RAB44: variants seen among roughly 807,000 people sequenced by gnomAD.
RAB44 encodes ras-related protein Rab-44.
RAB44 carries 67 observed loss-of-function variants against 93.3 expected under a neutral mutation model. The ratio of observed to expected loss-of-function variants is 0.72; its 90% CI spans 0.59 to 0.88. The LOEUF (loss-of-function observed/expected upper bound fraction) is 0.88. RAB44 is among the 40% of genes least tolerant of loss of function. RAB44 has a pLI of 0.00. For missense variants in RAB44, 1,064 were observed against 1,261.7 expected, an observed-to-expected ratio of 0.84 and a Z score of 2.37; for synonymous variants, 427 against 520.3, an observed-to-expected ratio of 0.82 and a Z score of 2.44.
In RAB44 at chr6:36,732,374, A is replaced by C. The variant is rs1384040793; in HGVS notation, c.*281A>C. On this transcript the variant is annotated 3_prime_UTR_variant, in exon 14 of 14. Coordinates refer to ENST00000612677, the MANE Select transcript of RAB44 (RefSeq NM_001257357.2). ...AAAACGACTTAAGGAAAATACACCA[A>C]AATATTGGCCGCACATCTGTGGGTG... The C allele has an allele frequency of 4.6e-6, 1 of 219,102 alleles. No homozygotes were observed. Among genetic ancestry groups the C allele is most frequent in the African/African-American group, 2.3e-5 (1 of 42,734 alleles). 13.6% of individuals were successfully genotyped at this position (219,102 alleles called of 1,614,324 possible). A position where few individuals can be genotyped will look rare whatever the true frequency, so the allele number is the denominator to read the frequency against.
Position 36,720,994 on chromosome 6 carries a change from T to G in RAB44, c.1017-157T>G, listed in dbSNP as rs547155759. Among the ~76,000 whole-genome samples the G allele has an allele frequency of 3.3e-5, 5 of 152,180 alleles. No homozygotes were observed. In the South Asian group the frequency reaches 1.0e-3, roughly 32 times the overall value. ...GACAGGATTGGATGAGGAGGAGGAA[T>G]GGGGAGCACATACCAGGTGAGAAAG... On this transcript the variant is annotated intron_variant, in intron 8 of 13. Coordinates refer to ENST00000612677, the MANE Select transcript of RAB44 (RefSeq NM_001257357.2).
At position 36,717,960 on chromosome 6, in the gene RAB44, G is replaced by T; in HGVS notation, c.642-68G>T. 1 of 988,480 alleles carries T rather than the reference G, an allele frequency of 1.0e-6. No individual in the cohort carries two copies. Among genetic ancestry groups the T allele is most frequent in the Non-Finnish European group, 1.3e-6 (1 of 765,730 alleles). The allele number at this position is 988,480 out of a possible 1,614,324, so 61.2% of individuals were successfully genotyped here. ...TGGATTCCAAACCCAAGCCCAGACT[G>T]CCCCTGCCAGCAGCAGGCTCCCAGA... On this transcript the variant is annotated intron_variant, in intron 5 of 13. Transcript: ENST00000612677. This position sits in a 1 kb window ranked among gnomAD's most constrained non-coding sequence, Gnocchi z 4.1.
At position 36,732,404 on chromosome 6, in the gene RAB44, A is replaced by C; in HGVS notation, c.*311A>C. The C allele has an allele frequency of 6.7e-6, 1 of 149,374 alleles. No homozygotes were observed. The highest frequency in any genetic ancestry group is 1.4e-5 in the Non-Finnish European group (1 of 73,240). 9.3% of individuals were successfully genotyped at this position (149,374 alleles called of 1,614,324 possible). A position where few individuals can be genotyped will look rare whatever the true frequency, so the allele number is the denominator to read the frequency against. On this transcript the variant is annotated 3_prime_UTR_variant, in exon 14 of 14. Coordinates refer to ENST00000612677, the MANE Select transcript of RAB44 (RefSeq NM_001257357.2). ...TTGGCCGCACATCTGTGGGTGTAAA[A>C]TTTTAGGGAGAATGTGGGGGGGGGG...
chr6:36,702,020 G>A (rs1252717327), intron 1 of RAB44, among the ~76,000 whole-genome samples: 1 of 152,096 alleles, frequency 6.6e-6, no homozygotes, highest in Non-Finnish European at 1.5e-5. Context: ...TGTTGCTTAT[G>A]TGCATGATAG....
intron 12 of RAB44, among the ~76,000 whole-genome samples, chr6:36,729,897 A>G (rs1763322375): frequency 1.3e-5 from 2 of 152,248 alleles, no homozygotes; most frequent in Non-Finnish European, 2.9e-5. Flanking sequence ...ATGGATACCC[A>G]TGTATAACGT....
rs1226530974 is a variant in RAB44 at position 36,721,280 on chromosome 6, C to T, written c.1146C>T (p.His382=). ...TGAGCAACTTTGGCAGCCCTCCGCACGGAGCCCTGCAGCTCTGCTGGAGCC... is the reference window on the plus strand; with the variant it reads ...TGAGCAACTTTGGCAGCCCTCCGCATGGAGCCCTGCAGCTCTGCTGGAGCC... The part of the protein sequence containing the change: ...QLLSNFGSPP[H]GALQLCWSPP... The change falls in exon 9 of 14, where the codon CAC becomes CAT. Residue 382 remains histidine (H), a synonymous_variant. Transcript: ENST00000612677. 2.5e-5 allele frequency: 31 copies of T among 1,234,182 alleles called. No individual in the cohort carries two copies. The highest frequency in any genetic ancestry group is 1.7e-4 in the Admixed American group (4 of 23,700). The allele number at this position is 1,234,182 out of a possible 1,614,324, so 76.5% of individuals were successfully genotyped here.
intron 9 of RAB44, among the ~76,000 whole-genome samples, chr6:36,723,412 T>A (rs1384657247): frequency 3.9e-5 from 6 of 152,176 alleles, no homozygotes; most frequent in African/African-American, 1.4e-4. Flanking sequence ...ATGGTTGTTA[T>A]TATTATTATA....
rs752287472 is a variant in RAB44, at chr6:36,727,643, C to T, written c.2748C>T (p.Thr916=). The T allele has an allele frequency of 4.5e-6, 7 of 1,550,620 alleles. No homozygotes were observed. The South Asian group carries it at 7.1e-5, about 16-fold the overall frequency. The change falls in exon 11 of 14, where the codon ACC becomes ACT. Residue 916 remains threonine (T), a synonymous_variant. Transcript: ENST00000612677. ...GGGTGGTGCTCATGTACGACATCACCTCCCAGGAGAGCTTTGCCCACGTGC... is the reference window on the plus strand; with the variant it reads ...GGGTGGTGCTCATGTACGACATCACTTCCCAGGAGAGCTTTGCCCACGTGC... The part of the protein sequence containing the change: ...ADGVVLMYDI[T]SQESFAHVRY...
chr6:36,705,343 A>G (rs1426540263), intron 2 of RAB44, among the ~76,000 whole-genome samples: 1 of 151,512 alleles, frequency 6.6e-6, no homozygotes, highest in East Asian at 1.9e-4. Context: ...TTGTGCTAGC[A>G]TTCTTTTTGC....
chr6:36,717,517 G>T lies in RAB44; in HGVS notation c.641+98G>T. 1 of 1,200,374 alleles carries T rather than the reference G, an allele frequency of 8.3e-7. No individual in the cohort carries two copies. Among genetic ancestry groups the T allele is most frequent in the Non-Finnish European group, 1.0e-6 (1 of 960,184 alleles). 74.4% of individuals were successfully genotyped at this position (1,200,374 alleles called of 1,614,324 possible). A position where few individuals can be genotyped will look rare whatever the true frequency, so the allele number is the denominator to read the frequency against. On this transcript the variant is annotated intron_variant, in intron 5 of 13. Coordinates refer to ENST00000612677, the MANE Select transcript of RAB44 (RefSeq NM_001257357.2). This position sits in a 1 kb window ranked among gnomAD's most constrained non-coding sequence, Gnocchi z 4.1. ...TTTCCCCAGCTCCTCCTGCAGCTGG[G>T]CCTGTGAGCTGGATAGGGCAGAGCT...
At chr6:36,724,436 C>T (rs1461490263) in intron 9 of RAB44, among the ~76,000 whole-genome samples, 6 of 152,218 alleles carry the variant, frequency 3.9e-5, no homozygotes, top group South Asian at 2.1e-4. Flanking sequence ...GGATTACAGG[C>T]GTGAGCCACT....
chr6:36,698,969 T>C (rs563497400), intron 1 of RAB44, among the ~76,000 whole-genome samples: 2 of 152,196 alleles, frequency 1.3e-5, no homozygotes, highest in East Asian at 1.9e-4. Context: ...AGACTGTTTT[T>C]AGGTTGTGCT....
Position 36,721,804 on chromosome 6 carries a change from C to A in RAB44, c.1670C>A (p.Pro557His). The A allele has an allele frequency of 8.1e-7, 1 of 1,234,514 alleles. No homozygotes were observed. Among genetic ancestry groups the A allele is most frequent in the Non-Finnish European group, 1.0e-6 (1 of 988,364 alleles). 76.5% of individuals were successfully genotyped at this position (1,234,514 alleles called of 1,614,324 possible). A position where few individuals can be genotyped will look rare whatever the true frequency, so the allele number is the denominator to read the frequency against. The change falls in exon 9 of 14, where the codon CCC (proline) becomes CAC (histidine). Residue 557 changes from proline to histidine, a missense_variant. Physicochemically the swap from Pro to His is moderately conservative, Grantham distance 77. Transcript: ENST00000612677. ...CCCCAGGAACCCACACAAACCCCTC[C>A]CACCATGACTGAGCGGGAAACCCAG... ...AGPQEPTQTP[P>H]TMTERETQPG...
At position 36,721,350 on chromosome 6, in the gene RAB44, G is replaced by T; in HGVS notation, c.1216G>T (p.Val406Leu). The T allele has an allele frequency of 4.9e-6, 6 of 1,234,054 alleles. No homozygotes were observed. The highest frequency in any genetic ancestry group is 6.1e-6 in the Non-Finnish European group (6 of 988,116). 76.4% of individuals were successfully genotyped at this position (1,234,054 alleles called of 1,614,324 possible). ...RATSGPQTPR[V>L]VRQISISEPQ... ...CACCTCAGGCCCCCAGACACCCCGT[G>T]TGGTCAGGCAGATCTCCATCTCGGA... The change falls in exon 9 of 14, where the codon GTG (valine) becomes TTG (leucine). Residue 406 changes from valine to leucine, a missense_variant. Physicochemically the swap from Val to Leu is conservative, Grantham distance 32 (BLOSUM62 1). Transcript: ENST00000612677.
intron 2 of RAB44, among the ~76,000 whole-genome samples, chr6:36,704,962 A>C (rs574864853): frequency 1.3e-5 from 2 of 152,252 alleles, no homozygotes; most frequent in South Asian, 4.1e-4. Flanking sequence ...TCTACTAAAA[A>C]TACAAAAATT....
chr6:36,721,016 A>G, intron 8 of RAB44, 135 bp from the exon 9 acceptor site: 1 of 802,452 alleles, frequency 1.2e-6, no homozygotes, highest in Non-Finnish European at 1.7e-6. Context: ...ACCAGGTGAG[A>G]AAGATTGCCT....
At position 36,721,358 on chromosome 6, in the gene RAB44, G is replaced by C; in HGVS notation, c.1224G>C (p.Arg408Ser). ...GCCCCCAGACACCCCGTGTGGTCAG[G>C]CAGATCTCCATCTCGGAGCCACAGG... The part of the protein sequence containing the change: ...TSGPQTPRVV[R>S]QISISEPQAF... The change falls in exon 9 of 14, where the codon AGG (arginine) becomes AGC (serine). Residue 408 changes from arginine to serine, a missense_variant. By Grantham distance (110) the Arg-to-Ser change is moderately radical (BLOSUM62 -1). Transcript: ENST00000612677. 8.1e-7 allele frequency: 1 copy of C among 1,234,170 alleles called. No individual in the cohort carries two copies. Among genetic ancestry groups the C allele is most frequent in the Non-Finnish European group, 1.0e-6 (1 of 988,128 alleles). 76.5% of individuals were successfully genotyped at this position (1,234,170 alleles called of 1,614,324 possible).
At chr6:36,712,105 C>A (rs1762803053) in intron 2 of RAB44, among the ~76,000 whole-genome samples, 1 of 151,968 alleles carries the variant, frequency 6.6e-6, no homozygotes, top group African/African-American at 2.4e-5. Context: ...GGGTTCGAGA[C>A]CAGCTTGGCC....
intron 12 of RAB44, 121 bp from the exon 13 acceptor site, chr6:36,730,552 A>T: frequency 1.9e-6 from 1 of 530,670 alleles, no homozygotes; most frequent in Non-Finnish European, 2.9e-6. Flanking sequence ...CTTGCTCGCC[A>T]CTGAGGTCAG....
Sources: allele counts gnomAD v4.1 joint callset (sites outside exome capture counted in the v4.1 genomes callset), GRCh38; gene constraint gnomAD v4.1.1; non-coding constraint Gnocchi (gnomAD v3.1); transcripts MANE v1.5; gene names NCBI Gene and HGNC (gene_info 2026-07-23, HGNC 2026-07-21).